The following CTPS2 variants were observed in gnomAD, a reference collection of about 807,000 sequenced individuals.
CTPS2 encodes CTP synthase II.
A neutral mutation model predicts 46.8 loss-of-function variants in CTPS2; 19 were observed. The observed-to-expected ratio is 0.41, with a 90% confidence interval of 0.28 to 0.60. The LOEUF is 0.60. Ranked by LOEUF, CTPS2 falls within the 20% of genes least tolerant of loss-of-function variation. The pLI, the probability that CTPS2 is intolerant of heterozygous loss-of-function variation, is 0.35. For synonymous variants in CTPS2, 151 were observed against 165.2 expected, an observed-to-expected ratio of 0.91 and a Z score of 0.66; for missense variants, 286 against 447.6, an observed-to-expected ratio of 0.64 and a Z score of 3.26.
chrX:16,712,777 G>C (rs984510976), upstream of CTPS2: 1 of 112,527 alleles, frequency 8.9e-6, no homozygotes, highest in Non-Finnish European at 1.9e-5. Flanking sequence ...GGGAACCCCG[G>C]CTTCCTGGCA....
chrX:16,590,414 C>A (rs760843010), intron 18 of CTPS2, among the ~76,000 whole-genome samples: 1 of 111,929 alleles, frequency 8.9e-6, no homozygotes, highest in African/African-American at 3.2e-5. Context: ...GCCGCAGGAA[C>A]TGCATGGCTC....
At chrX:16,625,083 G>A (rs1015796889) in intron 14 of CTPS2, among the ~76,000 whole-genome samples, 1 of 111,633 alleles carries the variant, frequency 9.0e-6, no homozygotes, top group African/African-American at 3.3e-5. Flanking sequence ...CCTTTTGAGA[G>A]CCAAAATATC....
intron 13 of CTPS2, among the ~76,000 whole-genome samples, chrX:16,643,807 C>T (rs1363985889): frequency 1.8e-5 from 2 of 110,496 alleles, no homozygotes; most frequent in African/African-American, 3.3e-5. Flanking sequence ...CCACAGCTAG[C>T]TGGGGCCATT....
At chrX:16,635,922 TA>T (rs1309907480) in intron 14 of CTPS2, among the ~76,000 whole-genome samples, 1 of 111,720 alleles carries the variant, frequency 9.0e-6, no homozygotes, top group Admixed American at 9.5e-5. Context: ...AAGGACTTTT[TA>T]AAAAATTAAG....
At chrX:16,602,806 T>C (rs1448071077) in intron 17 of CTPS2, among the ~76,000 whole-genome samples, 1 of 112,275 alleles carries the variant, frequency 8.9e-6, no homozygotes, top group Non-Finnish European at 1.9e-5. Context: ...ACATTTTTAA[T>C]TGGCTTTTCT....
intron 6 of CTPS2, among the ~76,000 whole-genome samples, chrX:16,692,261 A>G (rs1441939530): frequency 9.1e-6 from 1 of 109,555 alleles, no homozygotes; most frequent in African/African-American, 3.4e-5. Flanking sequence ...TCAGTAACAT[A>G]GCAAAACCCT....
At chrX:16,647,255 C>CTTTTTTTT (rs746634342) in intron 13 of CTPS2, among the ~76,000 whole-genome samples, 22 of 39,757 alleles carry the variant, frequency 5.5e-4, no homozygotes, top group African/African-American at 2.2e-3. Flanking sequence ...TGGGCCCATT[C>CTTTTTTTT]TTTTTTTTTT....
intron 13 of CTPS2, among the ~76,000 whole-genome samples, chrX:16,648,736 A>T (rs1484690538): frequency 8.9e-6 from 1 of 112,653 alleles, no homozygotes; most frequent in African/African-American, 3.2e-5. Flanking sequence ...AATAAAAACA[A>T]GAAGAATATA....
intron 13 of CTPS2, among the ~76,000 whole-genome samples, chrX:16,662,777 T>C (rs760549152): frequency 1.8e-5 from 2 of 108,988 alleles, no homozygotes; most frequent in East Asian, 2.9e-4. Context: ...CCAACAAACA[T>C]TGCAGGCCAT....
chrX:16,704,572 G>A (rs757745895), intron 1 of CTPS2, among the ~76,000 whole-genome samples: 202 of 112,016 alleles, frequency 1.8e-3, no homozygotes, highest in African/African-American at 6.2e-3. Flanking sequence ...GTATAATACT[G>A]TAATGATGGA....
intron 7 of CTPS2, 60 bp from the exon 8 acceptor site, chrX:16,689,661 G>C: frequency 5.7e-6 from 6 of 1,057,348 alleles, no homozygotes; most frequent in Non-Finnish European, 7.7e-6. Flanking sequence ...GCCACCACAA[G>C]AATGAAACAA....
intron 16 of CTPS2, among the ~76,000 whole-genome samples, chrX:16,613,660 A>G (rs753983657): frequency 8.2e-4 from 89 of 109,165 alleles, no homozygotes; most frequent in African/African-American, 3.0e-3. Flanking sequence ...CAGTGGCATG[A>G]TCATGGCTCA....
At chrX:16,673,790 T>C (rs752664358) in intron 10 of CTPS2, among the ~76,000 whole-genome samples, 2 of 111,805 alleles carry the variant, frequency 1.8e-5, no homozygotes, top group East Asian at 5.6e-4. Flanking sequence ...TGCTTTAAGG[T>C]CATAAACTGC....
At chrX:16,597,313 T>A (rs1371302891) in intron 17 of CTPS2, among the ~76,000 whole-genome samples, 1 of 112,066 alleles carries the variant, frequency 8.9e-6, no homozygotes, top group Admixed American at 9.5e-5. Flanking sequence ...CTTCTAGGGT[T>A]TTTATGGTTT....
At chrX:16,708,487 AC>A (rs1438151468) in intron 1 of CTPS2, among the ~76,000 whole-genome samples, 1 of 110,999 alleles carries the variant, frequency 9.0e-6, no homozygotes, top group Non-Finnish European at 1.9e-5. Flanking sequence ...ACACCATTGC[AC>A]TCCAGTCTGG....
intron 13 of CTPS2, among the ~76,000 whole-genome samples, chrX:16,662,042 T>C (rs1602221035): frequency 1.0e-5 from 1 of 99,268 alleles, no homozygotes; most frequent in African/African-American, 3.7e-5. Context: ...ATTCAAAATA[T>C]AAAGTCCAAA....
chrX:16,658,074 C>T (rs991134452), intron 13 of CTPS2, among the ~76,000 whole-genome samples: 15 of 110,066 alleles, frequency 1.4e-4, no homozygotes, highest in Non-Finnish European at 2.8e-4. Context: ...GGCATAGTGG[C>T]GCACACCTAC....
intron 14 of CTPS2, among the ~76,000 whole-genome samples, chrX:16,636,684 G>C (rs938703173): frequency 8.9e-6 from 1 of 111,872 alleles, no homozygotes; most frequent in Non-Finnish European, 1.9e-5. Context: ...CAGCACTTTG[G>C]GAGGCCGAGG....
intron 13 of CTPS2, among the ~76,000 whole-genome samples, chrX:16,658,692 G>A (rs1429816749): frequency 8.9e-6 from 1 of 112,390 alleles, no homozygotes; most frequent in African/African-American, 3.2e-5. Flanking sequence ...ACTTCCCAGA[G>A]AGCATTTGCT....
Sources: gnomAD v4.1 joint callset for allele counts (sites outside exome capture counted in the v4.1 genomes callset) on GRCh38, gnomAD v4.1.1 for gene constraint, MANE v1.5 for transcripts, NCBI Gene and HGNC (gene_info 2026-07-23, HGNC 2026-07-21) for gene names.